PRKCZ: variants seen among roughly 807,000 people sequenced by gnomAD.
PRKCZ encodes the protein protein kinase C zeta type.
A neutral mutation model predicts 79.5 loss-of-function variants in PRKCZ; 33 were observed. The observed-to-expected ratio is 0.41, with a 90% CI of 0.31 to 0.55. The LOEUF (loss-of-function observed/expected upper bound fraction) is 0.55. PRKCZ is among the 20% of genes least tolerant of loss of function. PRKCZ has a pLI of 0.19. For synonymous variants in PRKCZ, 342 were observed against 320.9 expected (o/e 1.07, Z -0.70); for missense variants, 578 against 813.5 (o/e 0.71, Z 3.52).
rs1685998633 is a variant in PRKCZ, at chr1:2,178,902, A to AGCTGGGACAGG, written c.1575+3591_1575+3601dup. Reference sequence around the variant, plus strand: ...CCGCCCCCCGAGTGTCCGAGGGTAGAGCTGGGACAGGGTCACAGTCACCCC... The same window carrying AGCTGGGACAGG: ...CCGCCCCCCGAGTGTCCGAGGGTAGAGCTGGGACAGGGCTGGGACAGGGTCACAGTCACCCC... On this transcript the variant is annotated intron_variant, in intron 16 of 17. Transcript: ENST00000378567. The surrounding 1 kb of genome is among the most constrained non-coding windows in gnomAD (Gnocchi z 4.3). Among the ~76,000 whole-genome samples the AGCTGGGACAGG allele has an allele frequency of 6.6e-6, 1 of 152,074 alleles. No individual in the cohort carries two copies. Among genetic ancestry groups the AGCTGGGACAGG allele is most frequent in the Non-Finnish European group, 1.5e-5 (1 of 67,998 alleles).
At chr1:2,102,597 G>C (rs777393373) in intron 4 of PRKCZ, among the ~76,000 whole-genome samples, 1 of 152,180 alleles carries the variant, frequency 6.6e-6, no homozygotes, top group Non-Finnish European at 1.5e-5. Flanking sequence ...CTCCCAAAGT[G>C]CTAGGATTAC....
chr1:2,185,047 C>T lies in PRKCZ; in HGVS notation c.*38C>T, dbSNP rs778589943. 6.4e-7 allele frequency: 1 copy of T among 1,550,988 alleles called. No homozygotes were observed. The highest frequency in any genetic ancestry group is 8.8e-7 in the Non-Finnish European group (1 of 1,133,290). On this transcript the variant is annotated 3_prime_UTR_variant, in exon 18 of 18. Coordinates refer to ENST00000378567, the MANE Select transcript of PRKCZ (RefSeq NM_002744.6). ...CTCTGTCGTGGACACGCGTGATTGA[C>T]CCTTTAACTGTATCCTTAACCACCG... is the stretch of plus-strand genomic sequence containing the variant.
intron 9 of PRKCZ, among the ~76,000 whole-genome samples, chr1:2,155,177 C>T (rs1447055541): frequency 2.0e-5 from 3 of 150,692 alleles, no homozygotes; most frequent in Admixed American, 6.6e-5. Context: ...GTGGTGATGA[C>T]GTGGTGGTGG....
intron 4 of PRKCZ, chr1:2,134,987 G>A (rs1409603573): frequency 2.1e-5 from 6 of 282,586 alleles, no homozygotes; most frequent in African/African-American, 1.3e-4. Context: ...GCAAGCGGCC[G>A]TCCCGTGGTG....
chr1:2,179,268 G>A (rs1686078265), intron 16 of PRKCZ, among the ~76,000 whole-genome samples: 1 of 152,226 alleles, frequency 6.6e-6, no homozygotes. Context: ...AAAGGCCGTG[G>A]GGAAGTTGCT....
rs957902508 is a variant in PRKCZ, at chr1:2,185,360, G to C, written c.*351G>C. The C allele has an allele frequency of 1.4e-6, 1 of 718,864 alleles. No homozygotes were observed. The allele number at this position is 718,864 out of a possible 1,614,324, so 44.5% of individuals were successfully genotyped here. On this transcript the variant is annotated 3_prime_UTR_variant, in exon 18 of 18. Coordinates refer to ENST00000378567, the MANE Select transcript of PRKCZ (RefSeq NM_002744.6). ...GCTCCGCCAGGAAAGTGAGCGTGTA[G>C]CGTCCTGAGGAATAAAATGTTCCGA...
chr1:2,089,685 G>T (rs1665149784), intron 4 of PRKCZ, among the ~76,000 whole-genome samples: 1 of 152,124 alleles, frequency 6.6e-6, no homozygotes, highest in Non-Finnish European at 1.5e-5. Flanking sequence ...CTGTGGGTGA[G>T]GATTTCAGCG....
intron 4 of PRKCZ, among the ~76,000 whole-genome samples, chr1:2,101,852 CG>C (rs1313063684): frequency 2.0e-5 from 3 of 152,172 alleles, no homozygotes; most frequent in Non-Finnish European, 2.9e-5. Flanking sequence ...CAAGGATACA[CG>C]GCAGAGATAC....
At chr1:2,090,668 C>T (rs1327110680) in intron 4 of PRKCZ, among the ~76,000 whole-genome samples, 2 of 152,226 alleles carry the variant, frequency 1.3e-5, no homozygotes, top group Non-Finnish European at 2.9e-5. Flanking sequence ...CGTGCCCCTC[C>T]TGCGCTGCGT....
At chr1:2,109,539 G>C (rs1669293587) in intron 4 of PRKCZ, among the ~76,000 whole-genome samples, 2 of 152,254 alleles carry the variant, frequency 1.3e-5, no homozygotes, top group Non-Finnish European at 2.9e-5. Context: ...CGGTTGAGCA[G>C]ATGCAGCCAG....
intron 10 of PRKCZ, among the ~76,000 whole-genome samples, chr1:2,159,913 A>G (rs553292507): frequency 2.6e-5 from 4 of 152,354 alleles, no homozygotes; most frequent in African/African-American, 9.6e-5. Flanking sequence ...AGCTGAAATG[A>G]CTACTTTCAG....
At chr1:2,108,471 C>T (rs1272667489) in intron 4 of PRKCZ, among the ~76,000 whole-genome samples, 1 of 152,242 alleles carries the variant, frequency 6.6e-6, no homozygotes, top group Admixed American at 6.5e-5. Flanking sequence ...GGCGCCACCG[C>T]TGTGTCCTCT....
At chr1:2,071,231 G>T in intron 4 of PRKCZ, 1 of 280,774 alleles carries the variant, frequency 3.6e-6, no homozygotes, top group Non-Finnish European at 7.3e-6. Context: ...AGGCTCGACA[G>T]GGTTTAGAGG....
chr1:2,110,841 T>A (rs1192916706), intron 4 of PRKCZ, among the ~76,000 whole-genome samples: 2 of 151,670 alleles, frequency 1.3e-5, no homozygotes, highest in East Asian at 3.9e-4. Context: ...AGAGTCCCTG[T>A]AGGGGCTGGT....
At chr1:2,162,025 G>A (rs967639550) in intron 10 of PRKCZ, among the ~76,000 whole-genome samples, 10 of 152,076 alleles carry the variant, frequency 6.6e-5, no homozygotes, top group Admixed American at 6.5e-4. Flanking sequence ...ACTAACCAGC[G>A]TCACCATCCA....
intron 4 of PRKCZ, among the ~76,000 whole-genome samples, chr1:2,126,434 G>A (rs1031224814): frequency 1.3e-5 from 2 of 151,952 alleles, no homozygotes; most frequent in Non-Finnish European, 2.9e-5. Flanking sequence ...CTGCTGGTGG[G>A]TAATCCAGCT....
chr1:2,172,503 A>G lies in PRKCZ; in HGVS notation c.1285+115A>G. 1 of 1,159,370 alleles carries G rather than the reference A, an allele frequency of 8.6e-7. No homozygotes were observed. The highest frequency in any genetic ancestry group is 1.6e-5 in the South Asian group (1 of 63,766). 71.8% of individuals were successfully genotyped at this position (1,159,370 alleles called of 1,614,324 possible). ...ACCATCTTACACCCAAAAGCCACAC[A>G]CTGTCTTTCCCAGCCGGATGTCATC... is the stretch of plus-strand genomic sequence containing the variant. On this transcript the variant is annotated intron_variant, in intron 13 of 17. Transcript: ENST00000378567. The surrounding 1 kb of genome is among the most constrained non-coding windows in gnomAD (Gnocchi z 7.8).
chr1:2,147,794 C>T (rs1409291317), intron 7 of PRKCZ, among the ~76,000 whole-genome samples: 1 of 144,506 alleles, frequency 6.9e-6, no homozygotes, highest in Admixed American at 7.0e-5. Context: ...GTCCACTGAC[C>T]TCTCCATCTA....
intron 10 of PRKCZ, among the ~76,000 whole-genome samples, chr1:2,160,170 A>G (rs777342344): frequency 3.0e-4 from 46 of 152,146 alleles, no homozygotes; most frequent in Non-Finnish European, 3.1e-4. Flanking sequence ...ACTGACTGAG[A>G]CACTTGAGTA....
Sources: gnomAD v4.1 joint callset for allele counts (sites outside exome capture counted in the v4.1 genomes callset) on GRCh38, gnomAD v4.1.1 for gene constraint, Gnocchi (gnomAD v3.1) non-coding constraint, MANE v1.5 for transcripts, NCBI Gene and HGNC (gene_info 2026-07-23, HGNC 2026-07-21) for gene names.